The following TBC1D14 variants were observed in gnomAD, a reference collection of about 807,000 sequenced individuals.
TBC1D14 encodes the protein TBC1 domain family member 14.
In TBC1D14, 26 loss-of-function variants were observed where a neutral mutation model predicts 79.0. The ratio of observed to expected loss-of-function variants is 0.33; its 90% CI spans 0.24 to 0.46. The LOEUF (loss-of-function observed/expected upper bound fraction) is 0.46, where lower values mean the gene tolerates loss of function less well. Among genes scored for constraint, TBC1D14 ranks in the 20% least tolerant of loss-of-function variants. The probability of loss-of-function intolerance (pLI) is 1.00; values close to 1 mark genes in which losing one functional copy is unlikely to be tolerated. For missense variants in TBC1D14, 769 were observed against 887.6 expected (o/e 0.87, Z 1.70); for synonymous variants, 394 against 349.9 (o/e 1.13, Z -1.40).
chr4:6,996,529 T>C, intron 5 of TBC1D14, 122 bp downstream of exon 5: 2 of 728,328 alleles, frequency 2.7e-6, no homozygotes, highest in Non-Finnish European at 2.2e-6. Context: ...ATTTGTAGTC[T>C]TCCAGTAAAA....
intron 6 of TBC1D14, among the ~76,000 whole-genome samples, chr4:6,999,686 C>G (rs1255499569): frequency 1.3e-5 from 2 of 152,080 alleles, no homozygotes; most frequent in Admixed American, 1.3e-4. Context: ...TGCTCTTGTC[C>G]TGTACTTCCT....
At position 6,953,629 on chromosome 4, in the gene TBC1D14, CAAAAAAA is replaced by C. The variant is rs750667631; in HGVS notation, c.723-13659_723-13653del. 1.6e-4 allele frequency among the ~76,000 whole-genome samples: 9 copies of C among 55,050 alleles called. No individual in the cohort carries two copies. The South Asian group carries it at 6.6e-3, about 40-fold the overall frequency. 36.1% of individuals were successfully genotyped at this position (55,050 alleles called of 152,430 possible). On this transcript the variant is annotated intron_variant, in intron 2 of 13. Transcript: ENST00000409757. ...CCTGGGCGACAGCGAGACTCCGTCT[CAAAAAAA>C]AAAAAAAAAAAAAAAGAATAGATCA...
intron 2 of TBC1D14, among the ~76,000 whole-genome samples, chr4:6,928,546 G>A (rs1372992934): frequency 6.6e-6 from 1 of 152,170 alleles, no homozygotes; most frequent in African/African-American, 2.4e-5. Context: ...CAGTTAATAT[G>A]AGGGGGCCGG....
At chr4:6,990,796 A>C (rs1718412678) in intron 3 of TBC1D14, among the ~76,000 whole-genome samples, 1 of 152,164 alleles carries the variant, frequency 6.6e-6, no homozygotes, top group Non-Finnish European at 1.5e-5. Context: ...GAGAGACAAG[A>C]CGACTCACCC....
intron 3 of TBC1D14, among the ~76,000 whole-genome samples, chr4:6,971,046 C>T (rs1255600569): frequency 6.7e-6 from 1 of 149,466 alleles, no homozygotes; most frequent in Non-Finnish European, 1.5e-5. Flanking sequence ...AGCTGGGGGT[C>T]AGGTGTTCAC....
intron 13 of TBC1D14, among the ~76,000 whole-genome samples, chr4:7,025,777 C>T (rs1722304925): frequency 6.6e-6 from 1 of 152,204 alleles, no homozygotes; most frequent in African/African-American, 2.4e-5. Flanking sequence ...CGCTGCTGTG[C>T]CCTCTCTGGG....
intron 2 of TBC1D14, among the ~76,000 whole-genome samples, chr4:6,932,983 G>A (rs1367118764): frequency 6.6e-6 from 1 of 152,042 alleles, no homozygotes; most frequent in Non-Finnish European, 1.5e-5. Flanking sequence ...CTGCTTCCAG[G>A]CTCACTGAGG....
intron 12 of TBC1D14, among the ~76,000 whole-genome samples, chr4:7,018,842 G>A (rs1721531870): frequency 6.6e-6 from 1 of 152,244 alleles, no homozygotes; most frequent in Admixed American, 6.5e-5. Flanking sequence ...TTTCACTTCT[G>A]AAAATATTTC....
At chr4:7,027,964 CAT>C (rs1722624138) in intron 13 of TBC1D14, among the ~76,000 whole-genome samples, 1 of 139,142 alleles carries the variant, frequency 7.2e-6, no homozygotes, top group Admixed American at 7.3e-5. Context: ...CCCACACACA[CAT>C]TGCCCACCCC....
In TBC1D14 at chr4:6,992,451, C is replaced by G. The variant is rs189833749; in HGVS notation, c.844-1733C>G. Reference sequence around the variant, plus strand: ...GTTACCCTGTCTTTAAAATGGGTAACACTTGCCAAGCAGATTGCTGTGAAG... The same window carrying G: ...GTTACCCTGTCTTTAAAATGGGTAAGACTTGCCAAGCAGATTGCTGTGAAG... On this transcript the variant is annotated intron_variant, in intron 3 of 13. Coordinates refer to ENST00000409757, the MANE Select transcript of TBC1D14 (RefSeq NM_020773.3). Among the ~76,000 whole-genome samples the G allele has an allele frequency of 3.9e-4, 59 of 152,284 alleles. 1 individual carries two copies. The East Asian group carries it at 8.9e-3, about 23-fold the overall frequency.
intron 3 of TBC1D14, among the ~76,000 whole-genome samples, chr4:6,980,281 T>C (rs967520184): frequency 6.6e-6 from 1 of 152,112 alleles, no homozygotes; most frequent in Non-Finnish European, 1.5e-5. Flanking sequence ...ATTAAACAAG[T>C]AGCATACTTC....
intron 6 of TBC1D14, 53 bp downstream of exon 6, chr4:6,999,255 C>A: frequency 4.7e-6 from 7 of 1,493,642 alleles, no homozygotes; most frequent in Non-Finnish European, 6.5e-6. Context: ...TTTCTAGAAT[C>A]TGTGGGCCAC....
intron 1 of TBC1D14, 44 bp downstream of exon 1, chr4:6,909,995 G>A (rs1370293454): frequency 6.8e-6 from 1 of 147,522 alleles, no homozygotes; most frequent in Non-Finnish European, 1.5e-5. Context: ...GGCCGCGAGG[G>A]AGGGCAGGGC....
intron 3 of TBC1D14, among the ~76,000 whole-genome samples, chr4:6,983,649 AG>A (rs994500509): frequency 1.3e-5 from 2 of 152,238 alleles, no homozygotes; most frequent in African/African-American, 4.8e-5. Context: ...TTAGAGAAGC[AG>A]CAGGTTAATT....
intron 12 of TBC1D14, among the ~76,000 whole-genome samples, chr4:7,021,920 G>C (rs553670126): frequency 7.2e-4 from 109 of 152,334 alleles, no homozygotes; most frequent in African/African-American, 2.6e-3. Context: ...GGAGGGCCGT[G>C]TGGACAGTAG....
intron 3 of TBC1D14, among the ~76,000 whole-genome samples, chr4:6,983,768 G>A (rs921508724): frequency 6.6e-6 from 1 of 152,184 alleles, no homozygotes; most frequent in Non-Finnish European, 1.5e-5. Context: ...TTCCTTTTTA[G>A]TCTTCTATTA....
intron 2 of TBC1D14, among the ~76,000 whole-genome samples, chr4:6,954,701 C>T (rs182823934): frequency 3.3e-5 from 5 of 152,326 alleles, no homozygotes; most frequent in Admixed American, 6.5e-5. Flanking sequence ...CCCAGGTTCA[C>T]GCGATTCTCC....
At chr4:6,998,884 G>T in intron 5 of TBC1D14, 2 of 560,486 alleles carry the variant, frequency 3.6e-6, no homozygotes, top group Non-Finnish European at 6.4e-6. Flanking sequence ...CTAGATGTTA[G>T]ACTTTGCAAG....
At chr4:6,924,550 C>T (rs1724132495) in intron 2 of TBC1D14, among the ~76,000 whole-genome samples, 1 of 152,218 alleles carries the variant, frequency 6.6e-6, no homozygotes, top group African/African-American at 2.4e-5. Context: ...GGTGTTCCAG[C>T]CGTGTCCCCG....
Sources: allele counts gnomAD v4.1 joint callset (sites outside exome capture counted in the v4.1 genomes callset), GRCh38; gene constraint gnomAD v4.1.1; transcripts MANE v1.5; gene names NCBI Gene and HGNC (gene_info 2026-07-23, HGNC 2026-07-21).